Variants in CSRNP1 observed in about 807,000 individuals in gnomAD.
The protein encoded by CSRNP1 is cysteine/serine-rich nuclear protein 1.
CSRNP1 carries 8 observed loss-of-function variants against 25.0 expected under a neutral mutation model. The observed-to-expected ratio is 0.32, with a 90% CI of 0.19 to 0.58. The LOEUF is 0.58. Ranked by LOEUF, CSRNP1 falls within the 20% of genes least tolerant of loss-of-function variation. The pLI is 0.88. For missense variants in CSRNP1, 691 were observed against 773.1 expected, an observed-to-expected ratio of 0.89 and a Z score of 1.26; for synonymous variants, 305 against 303.1, an observed-to-expected ratio of 1.01 and a Z score of -0.06.
In CSRNP1 at chr3:39,144,280, C is replaced by T. The variant is rs748157430; in HGVS notation, c.637G>A (p.Ala213Thr). The change falls in exon 4 of 5, where the codon GCT becomes ACT. Residue 213 changes from alanine (A) to threonine (T), a missense_variant. Physicochemically the swap from Ala to Thr is moderately conservative, Grantham distance 58. Transcript: ENST00000273153. The part of the protein sequence containing the change: ...PARRRRALLR[A>T]SGVRRIDREE... ...CGATCGATCCTTCGCACACCTGAAG[C>T]CCTCAGCAGAGCTCGACGTCGCCGG... The T allele has an allele frequency of 1.2e-6, 2 of 1,614,166 alleles. No homozygotes were observed. Among genetic ancestry groups the T allele is most frequent in the Non-Finnish European group, 8.5e-7 (1 of 1,180,036 alleles).
At chr3:39,147,096 G>A (rs928108917) in intron 1 of CSRNP1, among the ~76,000 whole-genome samples, 4 of 151,896 alleles carry the variant, frequency 2.6e-5, no homozygotes, top group African/African-American at 9.7e-5. Flanking sequence ...GGGGAAGGAG[G>A]CAGACAGACC....
At chr3:39,146,371 TG>T in intron 2 of CSRNP1, 106 bp downstream of exon 2, 1 of 1,358,972 alleles carries the variant, frequency 7.4e-7, no homozygotes, top group Non-Finnish European at 9.8e-7. Flanking sequence ...GCTACCGCCA[TG>T]GGGACCTAAC....
At chr3:39,147,501 C>T (rs9311206) in intron 1 of CSRNP1, among the ~76,000 whole-genome samples, 2,550 of 152,180 alleles carry the variant, frequency 0.017, 69 homozygotes, top group African/African-American at 0.058. Flanking sequence ...TAGAAACCCC[C>T]GCTCCACTGT....
In CSRNP1 at chr3:39,143,958, A is replaced by G; in HGVS notation, c.867T>C (p.Val289=). The stretch of plus-strand genomic sequence containing the variant: ...TGAGTGTGTGGATGAAATGGGTCTG[A>G]ACTCTTGCCTGATTAAATTCCACAC... ...MGRVEFNQAR[V]QTHFIHTLTR... is the part of the protein sequence containing the mutation. Residue 289 remains valine (V), a synonymous_variant, in exon 5 of 5, where the codon GTT becomes GTC. Coordinates refer to ENST00000273153, the MANE Select transcript of CSRNP1 (RefSeq NM_033027.4). 1.2e-6 allele frequency: 2 copies of G among 1,614,168 alleles called. No homozygotes were observed. The highest frequency in any genetic ancestry group is 8.5e-7 in the Non-Finnish European group (1 of 1,180,010).
At position 39,143,273 on chromosome 3, in the gene CSRNP1, G is replaced by GCCC; in HGVS notation, c.1549_1551dup (p.Gly517dup). 1 of 1,614,168 alleles carries GCCC rather than the reference G, an allele frequency of 6.2e-7. No individual in the cohort carries two copies. The highest frequency in any genetic ancestry group is 2.2e-5 in the East Asian group (1 of 44,884). ...GACACCTTCTGTGATGTGTAGTGAG[G>GCCC]CCCCAGACTATAATCTGGCAGAGCC... On this transcript the variant is annotated inframe_insertion, in exon 5 of 5. Transcript: ENST00000273153.
chr3:39,145,229 C>G lies in CSRNP1; in HGVS notation c.233G>C (p.Arg78Pro), dbSNP rs766961372. 2 of 1,606,778 alleles carry G rather than the reference C, an allele frequency of 1.2e-6. No individual in the cohort carries two copies. The highest frequency in any genetic ancestry group is 1.7e-6 in the Non-Finnish European group (2 of 1,174,902). ...TPLSILKRAR[R>P]ERPGRVAFDG... The stretch of plus-strand genomic sequence containing the variant: ...AAAGGCTACACGGCCTGGGCGCTCC[C>G]GGCGAGCCCGCTTCAGGATAGACAG... Residue 78 changes from arginine to proline, a missense_variant, in exon 3 of 5, where the codon CGG becomes CCG. By Grantham distance (103) the Arg-to-Pro change is moderately radical. Coordinates refer to ENST00000273153, the MANE Select transcript of CSRNP1 (RefSeq NM_033027.4).
rs536705932 is a variant in CSRNP1, at chr3:39,142,221, T to C, written c.*834A>G. 6.6e-6 allele frequency: 1 copy of C among 152,440 alleles called. No homozygotes were observed. The highest frequency in any genetic ancestry group is 6.5e-5 in the Admixed American group (1 of 15,310). 9.4% of individuals were successfully genotyped at this position (152,440 alleles called of 1,614,324 possible). On this transcript the variant is annotated 3_prime_UTR_variant, in exon 5 of 5. Transcript: ENST00000273153. ...CCTTTGCCCTCTCTGGGCTTCCTGTTTCCTCCTTCCCCCTCCTACATCCCT... is the reference window on the plus strand; with the variant it reads ...CCTTTGCCCTCTCTGGGCTTCCTGTCTCCTCCTTCCCCCTCCTACATCCCT...
rs746894260 is a variant in CSRNP1 at position 39,144,203 on chromosome 3, G to A, written c.714C>T (p.Gly238=). Residue 238 remains glycine, a synonymous_variant, in exon 4 of 5, where the codon GGC becomes GGT. Transcript: ENST00000273153. ...GGTCGCAGATCCTATCGCAGTGACA[G>A]CCACAATCCTCCCGGGATTGGCGCA... The part of the protein sequence containing the change: ...QALRQSREDC[G]CHCDRICDPE... 5.0e-6 allele frequency: 8 copies of A among 1,614,188 alleles called. No homozygotes were observed. In the South Asian group the frequency reaches 7.7e-5, roughly 16 times the overall value.
chr3:39,144,569 C>T (rs2039478263), intron 3 of CSRNP1, 118 bp from the exon 4 acceptor site: 2 of 981,560 alleles, frequency 2.0e-6, no homozygotes, highest in Admixed American at 2.7e-5. Context: ...GCTTAATCTG[C>T]GATGGGCACT....
rs563671346 is a variant in CSRNP1 at position 39,147,277 on chromosome 3, C to T, written c.-40-555G>A. Among the ~76,000 whole-genome samples the T allele has an allele frequency of 4.1e-4, 63 of 151,920 alleles. 1 individual carries two copies. Among genetic ancestry groups the T allele is most frequent in the Non-Finnish European group, 1.9e-4 (13 of 67,966 alleles). ...CGCCCTACAGCCCGCACAGCCCGCA[C>T]GGCCCTGGTATGGTGGCTCTGCTTC... is the stretch of plus-strand genomic sequence containing the variant. On this transcript the variant is annotated intron_variant, in intron 1 of 4. Coordinates refer to ENST00000273153, the MANE Select transcript of CSRNP1 (RefSeq NM_033027.4).
Position 39,144,463 on chromosome 3 carries a change from G to A in CSRNP1, c.466-12C>T, listed in dbSNP as rs749818099. The A allele has an allele frequency of 2.5e-6, 4 of 1,590,416 alleles. No individual in the cohort carries two copies. Among genetic ancestry groups the A allele is most frequent in the African/African-American group, 1.3e-5 (1 of 74,756 alleles). On this transcript the variant is annotated splice_polypyrimidine_tract_variant and intron_variant, in intron 3 of 4. Coordinates refer to ENST00000273153, the MANE Select transcript of CSRNP1 (RefSeq NM_033027.4). ...CCAGCTGCCGAAAGCTGCATCCACA[G>A]GAAAGAGGGATGTAAGAAGCACAGA...
At chr3:39,147,768 G>C (rs987814711) in intron 1 of CSRNP1, among the ~76,000 whole-genome samples, 4 of 152,030 alleles carry the variant, frequency 2.6e-5, no homozygotes, top group African/African-American at 7.2e-5. Flanking sequence ...AGCAAATAAG[G>C]GTCCTTCCCA....
chr3:39,143,922 C>A lies in CSRNP1; in HGVS notation c.903G>T (p.Gln301His), dbSNP rs777481412. ...THFIHTLTRL[Q>H]LEQEAESFRE... ...TAAAGCTCTCAGCCTCCTGTTCCAA[C>A]TGCAGGCGGGTGAGTGTGTGGATGA... is the stretch of plus-strand genomic sequence containing the variant. The change falls in exon 5 of 5, where the codon CAG (glutamine) becomes CAT (histidine). Residue 301 changes from glutamine (Q) to histidine (H), a missense_variant. Gln to His is a conservative substitution (Grantham distance 24). Coordinates refer to ENST00000273153, the MANE Select transcript of CSRNP1 (RefSeq NM_033027.4). 5 of 1,614,238 alleles carry A rather than the reference C, an allele frequency of 3.1e-6. No individual in the cohort carries two copies. In the Admixed American group the frequency reaches 6.7e-5, roughly 22 times the overall value.
chr3:39,147,225 GTGTGTGTGTGTA>G (rs1353343801), intron 1 of CSRNP1, among the ~76,000 whole-genome samples: 14 of 150,350 alleles, frequency 9.3e-5, no homozygotes, highest in African/African-American at 2.9e-4. Context: ...GTGTGTGTGT[GTGTGTGTGTGTA>G]TGTGTGTGTG....
Position 39,143,710 on chromosome 3 carries a change from G to A in CSRNP1, c.1115C>T (p.Pro372Leu), listed in dbSNP as rs201834210. 5.8e-5 allele frequency: 94 copies of A among 1,614,224 alleles called. No individual in the cohort carries two copies. The highest frequency in any genetic ancestry group is 1.0e-4 in the Admixed American group (6 of 60,030). The change falls in exon 5 of 5, where the codon CCC becomes CTC. Residue 372 changes from proline (P) to leucine (L), a missense_variant. By Grantham distance (98) the Pro-to-Leu change is moderately conservative. Coordinates refer to ENST00000273153, the MANE Select transcript of CSRNP1 (RefSeq NM_033027.4). ...AGGGCCAGGCAGGCCTGGGTGGGTG[G>A]GGCAGTCAGGAGCCTCACTAGTGCC... ...ASGTSEAPDCPTHPGLPGPGF... is the reference protein window; with the variant it reads ...ASGTSEAPDCLTHPGLPGPGF...
chr3:39,146,765 A>G, intron 1 of CSRNP1, 43 bp from the exon 2 acceptor site: 1 of 1,516,102 alleles, frequency 6.6e-7, no homozygotes, highest in Non-Finnish European at 8.8e-7. Flanking sequence ...GGCAGGCAGC[A>G]GCAGGTGGAC....
At chr3:39,152,033 T>A (rs2039588460) in intron 1 of CSRNP1, 1 of 152,392 alleles carries the variant, frequency 6.6e-6, no homozygotes, top group African/African-American at 2.4e-5. Flanking sequence ...CACTCGCGCA[T>A]GCAGGGAGCA....
At chr3:39,146,345 A>G (rs979156537) in intron 2 of CSRNP1, 133 bp downstream of exon 2, 24 of 1,148,592 alleles carry the variant, frequency 2.1e-5, no homozygotes, top group Non-Finnish European at 2.8e-5. Flanking sequence ...TGACCACTAT[A>G]TTATAGCTCA....
In CSRNP1 at chr3:39,143,920, A is replaced by G. The variant is rs145163556; in HGVS notation, c.905T>C (p.Leu302Ser). The G allele has an allele frequency of 1.2e-6, 2 of 1,614,076 alleles. No homozygotes were observed. The highest frequency in any genetic ancestry group is 1.3e-5 in the African/African-American group (1 of 74,940). Residue 302 changes from leucine (L) to serine (S), a missense_variant, in exon 5 of 5, where the codon TTG (leucine) becomes TCG (serine). Transcript: ENST00000273153. ...CCTAAAGCTCTCAGCCTCCTGTTCC[A>G]ACTGCAGGCGGGTGAGTGTGTGGAT... is the stretch of plus-strand genomic sequence containing the variant. Reference protein sequence around the residue: ...HFIHTLTRLQLEQEAESFREL... With the variant: ...HFIHTLTRLQSEQEAESFREL...
Sources: gnomAD v4.1 joint callset for allele counts (sites outside exome capture counted in the v4.1 genomes callset) on GRCh38, gnomAD v4.1.1 for gene constraint, MANE v1.5 for transcripts, NCBI Gene and HGNC (gene_info 2026-07-23, HGNC 2026-07-21) for gene names.